STK38: variants seen among roughly 807,000 people sequenced by gnomAD.
STK38 encodes the protein serine/threonine-protein kinase 38.
STK38 carries 26 observed loss-of-function variants against 59.0 expected under a neutral mutation model. That is an observed-to-expected ratio of 0.44 (90% CI 0.32 to 0.61). The LOEUF is 0.61. Ranked by LOEUF, STK38 falls within the 20% of genes least tolerant of loss-of-function variation. The pLI is 0.04. For synonymous variants in STK38, 175 were observed against 176.6 expected (o/e 0.99, Z 0.07); for missense variants, 433 against 566.0 (o/e 0.76, Z 2.38).
intron 9 of STK38, 106 bp from the exon 10 acceptor site, chr6:36,500,096 CTAAA>C: frequency 1.2e-6 from 1 of 841,590 alleles, no homozygotes; most frequent in African/African-American, 1.7e-5. Context: ...TACCCCCAAG[CTAAA>C]TAAGCAGGAC....
intron 4 of STK38, 31 bp downstream of exon 4, chr6:36,524,310 T>C: frequency 6.3e-7 from 1 of 1,590,204 alleles, no homozygotes; most frequent in Non-Finnish European, 8.5e-7. Flanking sequence ...TTGCAATATT[T>C]TTCTACTTGA....
chr6:36,538,305 A>C (rs1258304557), intron 2 of STK38, among the ~76,000 whole-genome samples: 1 of 152,068 alleles, frequency 6.6e-6, no homozygotes, highest in Non-Finnish European at 1.5e-5. Flanking sequence ...CTCCGTCTCA[A>C]AAAAAGAAAA....
chr6:36,503,438 G>T (rs1252497049), intron 9 of STK38, among the ~76,000 whole-genome samples: 1 of 151,352 alleles, frequency 6.6e-6, no homozygotes, highest in Non-Finnish European at 1.5e-5. Flanking sequence ...AAGTGTGTGT[G>T]TGTGTGTGTG....
intron 9 of STK38, among the ~76,000 whole-genome samples, chr6:36,504,898 CAAAAAAAA>C (rs562032331): frequency 1.9e-4 from 12 of 64,080 alleles, no homozygotes; most frequent in African/African-American, 6.4e-4. Context: ...TCCTGGCCTC[CAAAAAAAA>C]AAAAAAAAAA....
chr6:36,509,503 A>T (rs1777052429), intron 7 of STK38, among the ~76,000 whole-genome samples: 1 of 151,948 alleles, frequency 6.6e-6, no homozygotes, highest in African/African-American at 2.4e-5. Context: ...AGCTTAGGTT[A>T]GATAACAAGG....
chr6:36,516,129 C>CT (rs1027159253), intron 6 of STK38, among the ~76,000 whole-genome samples: 7 of 152,216 alleles, frequency 4.6e-5, no homozygotes, highest in Admixed American at 3.3e-4. Context: ...AAGGTCAGTG[C>CT]TTTTTTTTCT....
intron 1 of STK38, among the ~76,000 whole-genome samples, chr6:36,541,195 C>A (rs1036101645): frequency 2.0e-5 from 3 of 152,152 alleles, no homozygotes; most frequent in Non-Finnish European, 2.9e-5. Context: ...CCACCGTGCC[C>A]AGCCCACAAA....
intron 8 of STK38, 42 bp downstream of exon 8, chr6:36,507,458 C>T (rs775014729): frequency 3.9e-6 from 6 of 1,544,412 alleles, no homozygotes; most frequent in Non-Finnish European, 5.4e-6. Flanking sequence ...CTCTTCTAGG[C>T]CCAGTTAGAA....
intron 2 of STK38, among the ~76,000 whole-genome samples, chr6:36,534,546 G>GT (rs1299212146): frequency 1.3e-5 from 2 of 151,838 alleles, no homozygotes; most frequent in African/African-American, 4.8e-5. Flanking sequence ...CCAGCTACTC[G>GT]TAAGGCTGAG....
rs756532884 is a variant in STK38, at chr6:36,521,786, T to G, written c.338A>C (p.His113Pro). The change falls in exon 5 of 14, where the codon CAT becomes CCT. Residue 113 changes from histidine to proline, a missense_variant. Around this residue, in one of 3 missense-constraint regions of STK38, gnomAD observed 293 missense variants for 388.2 expected, o/e 0.75. Coordinates refer to ENST00000229812, the MANE Select transcript of STK38 (RefSeq NM_007271.4). ...ACGGAGTATTTTCATTGCATACACATGTCCCGTATCTTTCTTCTGAACAAG... is the reference window on the plus strand; with the variant it reads ...ACGGAGTATTTTCATTGCATACACAGGTCCCGTATCTTTCTTCTGAACAAG... Reference protein sequence around the residue: ...VRLVQKKDTGHVYAMKILRKA... With the variant: ...VRLVQKKDTGPVYAMKILRKA... 2.5e-6 allele frequency: 4 copies of G among 1,611,596 alleles called. No homozygotes were observed. Among genetic ancestry groups the G allele is most frequent in the Non-Finnish European group, 3.4e-6 (4 of 1,179,568 alleles).
At chr6:36,510,475 G>A (rs561881417) in intron 7 of STK38, among the ~76,000 whole-genome samples, 1 of 152,304 alleles carries the variant, frequency 6.6e-6, no homozygotes, top group African/African-American at 2.4e-5. Flanking sequence ...CTGCAGCTGT[G>A]GTTGGGCAAC....
chr6:36,497,092 G>A (rs984962790), intron 12 of STK38, among the ~76,000 whole-genome samples: 10 of 152,236 alleles, frequency 6.6e-5, no homozygotes, highest in Admixed American at 5.9e-4. Flanking sequence ...GGCCTGGCCT[G>A]TCTACTAAAA....
intron 2 of STK38, among the ~76,000 whole-genome samples, chr6:36,532,964 C>T (rs1026664772): frequency 2.0e-5 from 3 of 149,864 alleles, no homozygotes; most frequent in African/African-American, 7.4e-5. Context: ...CCCAGCTACT[C>T]GGGAGGCTGA....
Position 36,494,630 on chromosome 6 carries a change from G to C in STK38, c.*1154C>G, listed in dbSNP as rs918436011. 2.6e-5 allele frequency: 4 copies of C among 152,660 alleles called. No homozygotes were observed. The highest frequency in any genetic ancestry group is 5.9e-5 in the Non-Finnish European group (4 of 68,068). The allele number at this position is 152,660 out of a possible 1,614,324, so 9.5% of individuals were successfully genotyped here. ...TAGGGTGGGGAGGAGTATCCCCCAG[G>C]AAGGCATCTGCAAAGGAAAAAATTG... On this transcript the variant is annotated 3_prime_UTR_variant, in exon 14 of 14. Coordinates refer to ENST00000229812, the MANE Select transcript of STK38 (RefSeq NM_007271.4).
intron 2 of STK38, among the ~76,000 whole-genome samples, chr6:36,526,469 C>G (rs1201932992): frequency 6.6e-6 from 1 of 152,150 alleles, no homozygotes; most frequent in Non-Finnish European, 1.5e-5. Context: ...ATCAAAACTC[C>G]ATATATCAGG....
chr6:36,516,396 C>T (rs928801170), intron 6 of STK38, among the ~76,000 whole-genome samples: 5 of 152,174 alleles, frequency 3.3e-5, no homozygotes, highest in African/African-American at 1.2e-4. Context: ...TTAGACCTCA[C>T]ATAAAGTCAC....
chr6:36,512,134 T>C (rs1248925217), intron 7 of STK38, among the ~76,000 whole-genome samples: 1 of 152,202 alleles, frequency 6.6e-6, no homozygotes, highest in Non-Finnish European at 1.5e-5. Context: ...GCAAATGCTA[T>C]TCAAGCCTAG....
At chr6:36,525,711 T>A in intron 2 of STK38, 69 bp from the exon 3 acceptor site, 1 of 1,293,564 alleles carries the variant, frequency 7.7e-7, no homozygotes, top group Non-Finnish European at 1.1e-6. Flanking sequence ...TTCTGTAACT[T>A]AATACTGTAG....
chr6:36,525,532 T>C (rs2127481984), intron 3 of STK38, 59 bp downstream of exon 3: 7 of 1,512,868 alleles, frequency 4.6e-6, no homozygotes, highest in South Asian at 2.3e-5. Flanking sequence ...AACAACTCAC[T>C]GGACAAGATA....
Sources: allele counts gnomAD v4.1 joint callset (sites outside exome capture counted in the v4.1 genomes callset), GRCh38; gene constraint gnomAD v4.1.1; regional missense constraint gnomAD v4.1.1; transcripts MANE v1.5; gene names NCBI Gene and HGNC (gene_info 2026-07-23, HGNC 2026-07-21).